TBC1D1: variants seen among roughly 807,000 people sequenced by gnomAD.
TBC1D1 encodes the protein TBC1 domain family member 1.
Under a neutral mutation model 125.6 loss-of-function variants are expected in TBC1D1, and 89 were observed. The observed-to-expected ratio is 0.71, with a 90% CI of 0.60 to 0.85. The LOEUF is 0.85. Ranked by LOEUF, TBC1D1 falls within the 40% of genes least tolerant of loss-of-function variation. The pLI is 0.00. For synonymous variants in TBC1D1, 565 were observed against 564.1 expected (o/e 1.00, Z -0.02); for missense variants, 1,377 against 1,469.2 (o/e 0.94, Z 1.03).
chr4:38,030,098 C>T (rs1408756768), intron 7 of TBC1D1, among the ~76,000 whole-genome samples: 2 of 152,336 alleles, frequency 1.3e-5, no homozygotes, highest in East Asian at 1.9e-4. Flanking sequence ...ACTTCCCTCT[C>T]ATAATGTGGG....
Position 38,135,892 on chromosome 4 carries a change from A to ATG in TBC1D1, c.3307-1233_3307-1232dup, listed in dbSNP as rs1296481342. Among the ~76,000 whole-genome samples, 7 of 148,772 alleles carry ATG rather than the reference A, an allele frequency of 4.7e-5. No individual in the cohort carries two copies. The South Asian group carries it at 1.1e-3, about 23-fold the overall frequency. ...TATATATGTGTGTGTGTGTGTATAT[A>ATG]TGTGTGTGTGTATATATACGTGTGT... On this transcript the variant is annotated intron_variant, in intron 19 of 19. Transcript: ENST00000261439.
chr4:38,089,940 G>C lies in TBC1D1; in HGVS notation c.2059G>C (p.Glu687Gln). ...GCCGTCTCCCTTTCCAGATTATTCA[G>C]AGCTGGGAGAGCTTCCCCCACGATC... is the stretch of plus-strand genomic sequence containing the variant. The change falls in exon 13 of 20, where the codon GAG (glutamate) becomes CAG (glutamine). Residue 687 changes from glutamate to glutamine, a missense_variant. This residue lies in a region of TBC1D1 where 543 missense variants were observed against 613.5 expected (regional missense o/e 0.89). Transcript: ENST00000261439. The C allele has an allele frequency of 6.3e-7, 1 of 1,587,826 alleles. No homozygotes were observed.
chr4:38,085,712 G>A (rs562789891), intron 12 of TBC1D1, among the ~76,000 whole-genome samples: 2 of 152,236 alleles, frequency 1.3e-5, no homozygotes, highest in Non-Finnish European at 2.9e-5. Flanking sequence ...GTTCTAGAGA[G>A]TAGAAACCTC....
At chr4:37,976,073 C>T (rs1428411740) in intron 2 of TBC1D1, among the ~76,000 whole-genome samples, 1 of 152,140 alleles carries the variant, frequency 6.6e-6, no homozygotes, top group Non-Finnish European at 1.5e-5. Context: ...GTTGGGATGT[C>T]ACATCTTAAT....
chr4:37,953,274 G>A (rs757808858), intron 2 of TBC1D1, among the ~76,000 whole-genome samples: 7 of 152,214 alleles, frequency 4.6e-5, no homozygotes, highest in Non-Finnish European at 8.8e-5. Flanking sequence ...TTTTTAATCT[G>A]GAGGTGATCC....
chr4:37,966,997 T>C (rs1416955158), intron 2 of TBC1D1, among the ~76,000 whole-genome samples: 1 of 152,218 alleles, frequency 6.6e-6, no homozygotes, highest in Non-Finnish European at 1.5e-5. Flanking sequence ...AATCTTAAGT[T>C]ACAACAAAGG....
chr4:38,063,519 A>G (rs1753132637), intron 12 of TBC1D1, among the ~76,000 whole-genome samples: 1 of 152,266 alleles, frequency 6.6e-6, no homozygotes, highest in East Asian at 1.9e-4. Flanking sequence ...TTATTGAGAT[A>G]TAATTCACAT....
chr4:37,925,286 C>T (rs1721837703), intron 2 of TBC1D1, among the ~76,000 whole-genome samples: 1 of 152,248 alleles, frequency 6.6e-6, no homozygotes. Context: ...GCCATTTACA[C>T]TGCTGGGTTT....
At chr4:38,121,575 A>G (rs1392219945) in intron 17 of TBC1D1, among the ~76,000 whole-genome samples, 1 of 152,214 alleles carries the variant, frequency 6.6e-6, no homozygotes, top group Non-Finnish European at 1.5e-5. Context: ...GACGTGGGCT[A>G]CAGTGTAGTG....
At chr4:38,016,812 G>T (rs908309721) in intron 3 of TBC1D1, among the ~76,000 whole-genome samples, 4 of 152,314 alleles carry the variant, frequency 2.6e-5, no homozygotes, top group African/African-American at 9.6e-5. Context: ...ATGGGTCTTG[G>T]TCAGGGTTTT....
rs190498982 is a variant in TBC1D1, at chr4:38,014,044, A to T, written c.418-465A>T. Among the ~76,000 whole-genome samples, 384 of 152,362 alleles carry T rather than the reference A, an allele frequency of 2.5e-3. No individual in the cohort carries two copies. The highest frequency in any genetic ancestry group is 4.5e-3 in the Non-Finnish European group (308 of 68,030). On this transcript the variant is annotated intron_variant, in intron 2 of 19. Transcript: ENST00000261439. The surrounding 1 kb of genome is among the most constrained non-coding windows in gnomAD (Gnocchi z 5.1). Reference sequence around the variant, plus strand: ...TTTATTAAAGAAGACTTTCCAAAGTATACTGCCATGAGATCTAGAATAATT... The same window carrying T: ...TTTATTAAAGAAGACTTTCCAAAGTTTACTGCCATGAGATCTAGAATAATT...
At chr4:38,097,234 C>T (rs983098849) in intron 14 of TBC1D1, among the ~76,000 whole-genome samples, 3 of 152,164 alleles carry the variant, frequency 2.0e-5, no homozygotes, top group Non-Finnish European at 2.9e-5. Context: ...GCGATCTCAG[C>T]TCACTGCAAC....
chr4:37,915,702 A>G (rs749717806), intron 2 of TBC1D1, among the ~76,000 whole-genome samples: 5 of 152,176 alleles, frequency 3.3e-5, no homozygotes, highest in African/African-American at 4.8e-5. Flanking sequence ...ATTAAGCATC[A>G]TCACGTCCCC....
intron 15 of TBC1D1, among the ~76,000 whole-genome samples, chr4:38,112,930 T>A (rs1258644206): frequency 6.6e-6 from 1 of 152,152 alleles, no homozygotes; most frequent in Admixed American, 6.5e-5. Flanking sequence ...GAGGCTTGAG[T>A]GCAGAGCCTG....
chr4:37,974,946 A>G (rs1457623483), intron 2 of TBC1D1, among the ~76,000 whole-genome samples: 1 of 152,214 alleles, frequency 6.6e-6, no homozygotes, highest in Non-Finnish European at 1.5e-5. Context: ...CATCCCCTGT[A>G]GGGTCTAGCC....
chr4:38,114,555 A>G (rs1227642636), intron 15 of TBC1D1, among the ~76,000 whole-genome samples: 3 of 152,170 alleles, frequency 2.0e-5, no homozygotes, highest in Non-Finnish European at 4.4e-5. Flanking sequence ...CCTGGGCCCA[A>G]GCTTGGCCCT....
In TBC1D1 at chr4:38,137,115, T is replaced by C; in HGVS notation, c.3307-20T>C. 3.1e-6 allele frequency: 5 copies of C among 1,612,622 alleles called. No homozygotes were observed. The highest frequency in any genetic ancestry group is 4.2e-6 in the Non-Finnish European group (5 of 1,179,856). ...GTTAGCACTGGCAATTGTATTCTCA[T>C]TTCTTCTTTTATTCTCCAGGTGGCA... is the stretch of plus-strand genomic sequence containing the variant. On this transcript the variant is annotated intron_variant, in intron 19 of 19. Coordinates refer to ENST00000261439, the MANE Select transcript of TBC1D1 (RefSeq NM_015173.4).
At chr4:38,119,975 A>G (rs1763583634) in intron 17 of TBC1D1, 1 of 985,320 alleles carries the variant, frequency 1.0e-6, no homozygotes, top group Non-Finnish European at 1.2e-6. Flanking sequence ...CCTTCGGCTC[A>G]TAAATGGGTA....
rs974853135 is a variant in TBC1D1 at position 38,127,027 on chromosome 4, GTACT to G, written c.3132+1904_3132+1907del. Among the ~76,000 whole-genome samples, 26 of 150,880 alleles carry G rather than the reference GTACT, an allele frequency of 1.7e-4. 1 individual carries two copies. The highest frequency in any genetic ancestry group is 5.6e-4 in the African/African-American group (23 of 40,964). ...TCTCTTCTTACAGCTTTTGTTGCAT[GTACT>G]TACTTACATTTACAGCTTCTAGGGC... On this transcript the variant is annotated intron_variant, in intron 18 of 19. Transcript: ENST00000261439.
Sources: allele counts gnomAD v4.1 joint callset (sites outside exome capture counted in the v4.1 genomes callset), GRCh38; gene constraint gnomAD v4.1.1; regional missense constraint gnomAD v4.1.1; non-coding constraint Gnocchi (gnomAD v3.1); transcripts MANE v1.5; gene names NCBI Gene and HGNC (gene_info 2026-07-23, HGNC 2026-07-21).